The following ZNF770 variants were observed in gnomAD, a reference collection of about 807,000 sequenced individuals.
ZNF770 encodes zinc finger protein 770.
Under a neutral mutation model 44.8 loss-of-function variants are expected in ZNF770, and 13 were observed. The ratio of observed to expected loss-of-function variants is 0.29; its 90% confidence interval spans 0.19 to 0.46. The LOEUF is 0.46. Ranked by LOEUF, ZNF770 falls within the 20% of genes least tolerant of loss-of-function variation. The probability of loss-of-function intolerance (pLI) is 1.00; values close to 1 mark genes in which losing one functional copy is unlikely to be tolerated. For synonymous variants in ZNF770, 304 were observed against 271.8 expected, an observed-to-expected ratio of 1.12 and a Z score of -1.17; for missense variants, 681 against 797.9, an observed-to-expected ratio of 0.85 and a Z score of 1.77.
intron 1 of ZNF770, among the ~76,000 whole-genome samples, 157 bp from the exon 2 acceptor site, chr15:34,987,830 A>G (rs2050445185): frequency 6.6e-6 from 1 of 152,196 alleles, no homozygotes; most frequent in Non-Finnish European, 1.5e-5. Flanking sequence ...TCCTCGTTCT[A>G]AAGGCCCACA....
Position 34,982,837 on chromosome 15 carries a change from A to G in ZNF770, c.598T>C (p.Ser200Pro). 2 of 1,613,874 alleles carry G rather than the reference A, an allele frequency of 1.2e-6. No individual in the cohort carries two copies. The highest frequency in any genetic ancestry group is 2.2e-5 in the South Asian group (2 of 91,066). Reference protein sequence around the residue: ...CVLCTKSFRQSTHLKIHQLTH... With the variant: ...CVLCTKSFRQPTHLKIHQLTH... ...AGTTGGTGGATTTTTAAGTGAGTTGACTGTCGAAAAGATTTAGTACACAAG... is the reference window on the plus strand; with the variant it reads ...AGTTGGTGGATTTTTAAGTGAGTTGGCTGTCGAAAAGATTTAGTACACAAG... The change falls in exon 3 of 3, where the codon TCA (serine) becomes CCA (proline). Residue 200 changes from serine to proline, a missense_variant. Transcript: ENST00000356321.
intron 2 of ZNF770, among the ~76,000 whole-genome samples, chr15:34,987,099 T>C (rs2050439708): frequency 6.6e-6 from 1 of 152,282 alleles, no homozygotes; most frequent in African/African-American, 2.4e-5. Flanking sequence ...CTTTAATAAA[T>C]GCTTTCGTGG....
Position 34,982,456 on chromosome 15 carries a change from T to G in ZNF770, c.979A>C (p.Lys327Gln). The change falls in exon 3 of 3, where the codon AAA becomes CAA. Residue 327 changes from lysine (K) to glutamine (Q), a missense_variant. Transcript: ENST00000356321. ...ATGGTTTTATAGTTGTAGCTTCTTT[T>G]GAACCTGCTTGGAATTTTGCCACTT... is the stretch of plus-strand genomic sequence containing the variant. The part of the protein sequence containing the change: ...ARSGKIPSRF[K>Q]RSYNYKTIVK... The G allele has an allele frequency of 1.2e-6, 2 of 1,614,046 alleles. No homozygotes were observed. Among genetic ancestry groups the G allele is most frequent in the Non-Finnish European group, 1.7e-6 (2 of 1,179,976 alleles).
chr15:34,979,175 T>C lies in ZNF770; in HGVS notation c.*2184A>G, dbSNP rs2050385194. ...AGTATAGTAGTATCACTTACGCAAA[T>C]AAAGTCTCAGAATCATACAAGCACA... is the stretch of plus-strand genomic sequence containing the variant. On this transcript the variant is annotated 3_prime_UTR_variant, in exon 3 of 3. Transcript: ENST00000356321. 6.5e-6 allele frequency: 1 copy of C among 152,950 alleles called. No individual in the cohort carries two copies. The highest frequency in any genetic ancestry group is 2.1e-4 in the South Asian group (1 of 4,874). The allele number at this position is 152,950 out of a possible 1,614,324, so 9.5% of individuals were successfully genotyped here.
In ZNF770 at chr15:34,979,869, G is replaced by C. The variant is rs1391525502; in HGVS notation, c.*1490C>G. ...CATTCCTGAAGATTTTATAAACAAA[G>C]GCAAATATGAAGGAAAATTTGTAAT... On this transcript the variant is annotated 3_prime_UTR_variant, in exon 3 of 3. Coordinates refer to ENST00000356321, the MANE Select transcript of ZNF770 (RefSeq NM_014106.4). The C allele has an allele frequency of 3.4e-6, 1 of 295,080 alleles. No individual in the cohort carries two copies. The allele number at this position is 295,080 out of a possible 1,614,324, so 18.3% of individuals were successfully genotyped here. A position where few individuals can be genotyped will look rare whatever the true frequency, so the allele number is the denominator to read the frequency against.
Position 34,987,533 on chromosome 15 carries a change from A to G in ZNF770, c.-57+24T>C, listed in dbSNP as rs1309020830. The G allele has an allele frequency of 3.3e-5, 5 of 152,268 alleles. No individual in the cohort carries two copies. In the East Asian group the frequency reaches 7.7e-4, roughly 23 times the overall value. 9.4% of individuals were successfully genotyped at this position (152,268 alleles called of 1,614,324 possible). Reference sequence around the variant, plus strand: ...CAAGAACAAGATACTCTACGTGAAGACTGTAAAAACTGTAAAAACTGACCT... The same window carrying G: ...CAAGAACAAGATACTCTACGTGAAGGCTGTAAAAACTGTAAAAACTGACCT... On this transcript the variant is annotated intron_variant, in intron 2 of 2. Transcript: ENST00000356321.
At chr15:34,986,173 T>G (rs1156490035) in intron 2 of ZNF770, among the ~76,000 whole-genome samples, 2 of 152,154 alleles carry the variant, frequency 1.3e-5, no homozygotes, top group Non-Finnish European at 2.9e-5. Flanking sequence ...AAAGCAAGTG[T>G]CTGGTTTTCT....
At chr15:34,983,799 T>C (rs1367810142) in intron 2 of ZNF770, among the ~76,000 whole-genome samples, 1 of 152,232 alleles carries the variant, frequency 6.6e-6, no homozygotes, top group East Asian at 1.9e-4. Context: ...AATTCCAATT[T>C]TCCTATTTCA....
chr15:34,987,889 T>C (rs2050445512), intron 1 of ZNF770, among the ~76,000 whole-genome samples: 1 of 151,702 alleles, frequency 6.6e-6, no homozygotes, highest in South Asian at 2.1e-4. Flanking sequence ...AACCACAAAA[T>C]CCCACGCCAG....
chr15:34,981,258 A>G lies in ZNF770; in HGVS notation c.*101T>C, dbSNP rs979852814. 8 of 1,200,444 alleles carry G rather than the reference A, an allele frequency of 6.7e-6. No homozygotes were observed. In the African/African-American group the frequency reaches 1.2e-4, roughly 19 times the overall value. The allele number at this position is 1,200,444 out of a possible 1,614,324, so 74.4% of individuals were successfully genotyped here. A position where few individuals can be genotyped will look rare whatever the true frequency, so the allele number is the denominator to read the frequency against. On this transcript the variant is annotated 3_prime_UTR_variant, in exon 3 of 3. Transcript: ENST00000356321. ...AGGACAAGCAAATGCCTGTGAAACC[A>G]TTCAGTTTAATGCAGGCCTTTCAAT...
In ZNF770 at chr15:34,978,816, C is replaced by T. The variant is rs568882004; in HGVS notation, c.*2543G>A. 5.3e-5 allele frequency: 8 copies of T among 152,254 alleles called. No individual in the cohort carries two copies. In the South Asian group the frequency reaches 8.3e-4, roughly 16 times the overall value. 9.4% of individuals were successfully genotyped at this position (152,254 alleles called of 1,614,324 possible). ...CCCCCAACCCACAGATACCAAAAAT[C>T]CAAGTATACTCAAGTCCCTTACATA... is the stretch of plus-strand genomic sequence containing the variant. On this transcript the variant is annotated 3_prime_UTR_variant, in exon 3 of 3. Coordinates refer to ENST00000356321, the MANE Select transcript of ZNF770 (RefSeq NM_014106.4).
chr15:34,985,227 C>G (rs1279445499), intron 2 of ZNF770, among the ~76,000 whole-genome samples: 1 of 151,264 alleles, frequency 6.6e-6, no homozygotes, highest in Non-Finnish European at 1.5e-5. Context: ...TTCATTATTA[C>G]TTTACTATGG....
rs2050382640 is a variant in ZNF770 at position 34,978,769 on chromosome 15, G to C, written c.*2590C>G. 6.6e-6 allele frequency: 1 copy of C among 152,058 alleles called. No individual in the cohort carries two copies. The highest frequency in any genetic ancestry group is 2.4e-5 in the African/African-American group (1 of 41,378). The allele number at this position is 152,058 out of a possible 1,614,324, so 9.4% of individuals were successfully genotyped here. On this transcript the variant is annotated 3_prime_UTR_variant, in exon 3 of 3. Transcript: ENST00000356321. ...GTACAGTTGTCCCTTGGTATCCATG[G>C]GGTATTGGTTCCTGGACCGTCCCCC...
Position 34,981,853 on chromosome 15 carries a change from T to C in ZNF770, c.1582A>G (p.Lys528Glu). Reference protein sequence around the residue: ...LKRHEQTHNEKSPYASLCQVE... With the variant: ...LKRHEQTHNEESPYASLCQVE... ...TGGCAAAGAGATGCATAAGGACTCT[T>C]TTCATTATGAGTCTGTTCATGTCTT... Residue 528 changes from lysine to glutamate, a missense_variant, in exon 3 of 3, where the codon AAG becomes GAG. Physicochemically the swap from Lys to Glu is moderately conservative, Grantham distance 56. Around this residue, in one of 5 missense-constraint regions of ZNF770, gnomAD observed 148 missense variants for 191.0 expected, o/e 0.77. Transcript: ENST00000356321. The C allele has an allele frequency of 6.2e-7, 1 of 1,613,950 alleles. No homozygotes were observed. Among genetic ancestry groups the C allele is most frequent in the Non-Finnish European group, 8.5e-7 (1 of 1,180,010 alleles).
rs184548553 is a variant in ZNF770, at chr15:34,983,961, A to C, written c.-56-471T>G. On this transcript the variant is annotated intron_variant, in intron 2 of 2. Coordinates refer to ENST00000356321, the MANE Select transcript of ZNF770 (RefSeq NM_014106.4). ...GCTCTTAGAATAGAACATTTCACTT[A>C]TCATAGGTGGATTTCTTAGCCACAA... is the stretch of plus-strand genomic sequence containing the variant. 5.3e-5 allele frequency among the ~76,000 whole-genome samples: 8 copies of C among 152,346 alleles called. No homozygotes were observed. The East Asian group carries it at 1.5e-3, about 29-fold the overall frequency.
rs112784465 is a variant in ZNF770, at chr15:34,985,672, T to C, written c.-57+1885A>G. Among the ~76,000 whole-genome samples, 24 of 152,214 alleles carry C rather than the reference T, an allele frequency of 1.6e-4. 1 individual carries two copies. Among genetic ancestry groups the C allele is most frequent in the South Asian group, 4.2e-4 (2 of 4,816 alleles). ...CACTTTGTGAGGCCGAGGCAGGGGA[T>C]CACCTGAGGTCAGGAGTTCGAGGCT... On this transcript the variant is annotated intron_variant, in intron 2 of 2. Transcript: ENST00000356321.
Position 34,982,049 on chromosome 15 carries a change from T to A in ZNF770, c.1386A>T (p.Ser462=), listed in dbSNP as rs374402056. ...NNCEVLQCGF[S]VPRENIRTRH... is the part of the protein sequence containing the mutation. ...TAGTACGTATGTTTTCCCTTGGAAC[T>A]GAAAAACCACACTGAAGTACCTCAC... The change falls in exon 3 of 3, where the codon TCA becomes TCT. Residue 462 remains serine, a synonymous_variant. Transcript: ENST00000356321. 18 of 1,613,546 alleles carry A rather than the reference T, an allele frequency of 1.1e-5. No individual in the cohort carries two copies. Among genetic ancestry groups the A allele is most frequent in the Non-Finnish European group, 1.5e-5 (18 of 1,180,004 alleles).
rs1166284928 is a variant in ZNF770 at position 34,979,440 on chromosome 15, AG to A, written c.*1918del. 4.0e-6 allele frequency: 1 copy of A among 249,590 alleles called. No homozygotes were observed. Among genetic ancestry groups the A allele is most frequent in the Non-Finnish European group, 8.1e-6 (1 of 123,640 alleles). 15.5% of individuals were successfully genotyped at this position (249,590 alleles called of 1,614,324 possible). A position where few individuals can be genotyped will look rare whatever the true frequency, so the allele number is the denominator to read the frequency against. ...TAAACCATTATCTTGCTTGCACTGG[AG>A]GAACATATCTCAAGGAAACCTAAGA... On this transcript the variant is annotated 3_prime_UTR_variant, in exon 3 of 3. Transcript: ENST00000356321.
In ZNF770 at chr15:34,981,563, C is replaced by A. The variant is rs2050401529; in HGVS notation, c.1872G>T (p.Leu624=). The A allele has an allele frequency of 1.2e-6, 2 of 1,614,156 alleles. No individual in the cohort carries two copies. Residue 624 remains leucine (L), a synonymous_variant, in exon 3 of 3, where the codon CTG becomes CTT. Coordinates refer to ENST00000356321, the MANE Select transcript of ZNF770 (RefSeq NM_014106.4). ...SEHQEKNDVF[L]YRCSVCAKSF... ...TTTTAGCACAAACACTGCATCGGTACAGGAAGACATCATTTTTCTCCTGAT... is the reference window on the plus strand; with the variant it reads ...TTTTAGCACAAACACTGCATCGGTAAAGGAAGACATCATTTTTCTCCTGAT...
Sources: gnomAD v4.1 joint callset for allele counts (sites outside exome capture counted in the v4.1 genomes callset) on GRCh38, gnomAD v4.1.1 for gene constraint, gnomAD v4.1.1 regional missense constraint, MANE v1.5 for transcripts, NCBI Gene and HGNC (gene_info 2026-07-23, HGNC 2026-07-21) for gene names.